RIIAD1: variants seen among roughly 807,000 people sequenced by gnomAD.
RIIAD1 encodes RIIa domain-containing protein 1.
RIIAD1 carries 15 observed loss-of-function variants against 13.3 expected under a neutral mutation model. The observed-to-expected ratio is 1.13, with a 90% CI of 0.76 to 1.74. The LOEUF (loss-of-function observed/expected upper bound fraction) is 1.74. Ranked by LOEUF, RIIAD1 falls within the 40% of genes most tolerant of loss-of-function variation. The pLI is 0.00. For missense variants in RIIAD1, 121 were observed against 112.2 expected (o/e 1.08, Z -0.35); for synonymous variants, 50 against 43.3 (o/e 1.16, Z -0.61).
At chr1:151,717,707 A>C (rs1362855346), upstream of RIIAD1, among the ~76,000 whole-genome samples, 10 of 152,258 alleles carry the variant, frequency 6.6e-5, no homozygotes, top group Non-Finnish European at 1.5e-4. Context: ...CTTAGGATGC[A>C]GAAACCCAAT....
At chr1:151,719,850 G>A (rs1460120567), upstream of RIIAD1, among the ~76,000 whole-genome samples, 4 of 152,208 alleles carry the variant, frequency 2.6e-5, no homozygotes, top group African/African-American at 4.8e-5. Context: ...ATTGGCAGAC[G>A]GAGGGTATCA....
chr1:151,716,405 G>A (rs1673482096), intron 4 of RIIAD1: 1 of 266,984 alleles, frequency 3.7e-6, no homozygotes, highest in Non-Finnish European at 7.4e-6. Flanking sequence ...AGCTGGAGGC[G>A]GGGAAAGGGC....
At position 151,714,245 on chromosome 1, in the gene RIIAD1, C is replaced by T. The variant is rs113934668; in HGVS notation, c.-89-175C>T. 2.4e-3 allele frequency among the ~76,000 whole-genome samples: 370 copies of T among 152,254 alleles called. 2 individuals are homozygous for T. The highest frequency in any genetic ancestry group is 8.4e-3 in the African/African-American group (350 of 41,538). On this transcript the variant is annotated intron_variant, in intron 3 of 8. Coordinates refer to the RIIAD1 transcript ENST00000326413. ...AGTGACAAAAGAGTGCCTGGGTGCC[C>T]CCTGCTCACCCTGATCCACACTTGG... is the stretch of plus-strand genomic sequence containing the variant.
rs1416532017 is a variant in RIIAD1, at chr1:151,722,095, C to T, written c.94C>T (p.Arg32Trp). 3 of 1,550,452 alleles carry T rather than the reference C, an allele frequency of 1.9e-6. No homozygotes were observed. The highest frequency in any genetic ancestry group is 1.4e-5 in the African/African-American group (1 of 73,092). Reference protein sequence around the residue: ...EQLRKFKIQTRIANEKYLRTH... With the variant: ...EQLRKFKIQTWIANEKYLRTH... Reference sequence around the variant, plus strand: ...TGTTCTTGCCCCCCAGATTCAGACTCGGATTGCTAACGAAAAGTACCTAAG... The same window carrying T: ...TGTTCTTGCCCCCCAGATTCAGACTTGGATTGCTAACGAAAAGTACCTAAG... The change falls in exon 2 of 5, where the codon CGG becomes TGG. Residue 32 changes from arginine to tryptophan, a missense_variant. Coordinates refer to ENST00000479191, the MANE Select transcript of RIIAD1 (RefSeq NM_001144956.3).
At chr1:151,719,341 C>T (rs1412213147), upstream of RIIAD1, among the ~76,000 whole-genome samples, 1 of 152,078 alleles carries the variant, frequency 6.6e-6, no homozygotes, top group East Asian at 1.9e-4. Flanking sequence ...GAGAGAGAGG[C>T]TTCCAGGATA....
upstream of RIIAD1, among the ~76,000 whole-genome samples, chr1:151,717,231 G>C (rs1343201871): frequency 6.6e-6 from 1 of 152,104 alleles, no homozygotes. Flanking sequence ...GAGAAAGGAC[G>C]GTTGCATAGG....
chr1:151,717,902 C>T (rs2101498989), upstream of RIIAD1, among the ~76,000 whole-genome samples: 1 of 152,282 alleles, frequency 6.6e-6, no homozygotes, highest in East Asian at 1.9e-4. Flanking sequence ...GCACTGGGCC[C>T]ACTCAGAGCA....
chr1:151,721,440 C>G, upstream of RIIAD1: 1 of 644,590 alleles, frequency 1.6e-6, no homozygotes. Context: ...CAGCCCCTAG[C>G]CCCTGCTTCG....
intron 4 of RIIAD1, chr1:151,714,744 T>C: frequency 1.7e-6 from 2 of 1,151,620 alleles, no homozygotes; most frequent in Non-Finnish European, 2.5e-6. Flanking sequence ...TCTGAAAGGC[T>C]CCCTTCCAAA....
At chr1:151,724,116 G>C (rs1673786895) in intron 2 of RIIAD1, among the ~76,000 whole-genome samples, 1 of 152,194 alleles carries the variant, frequency 6.6e-6, no homozygotes, top group African/African-American at 2.4e-5. Flanking sequence ...GTCAGAGATG[G>C]CCTTGATTCT....
intron 3 of RIIAD1, 32 bp downstream of exon 3, chr1:151,727,653 G>T: frequency 6.9e-7 from 1 of 1,451,704 alleles, no homozygotes; most frequent in South Asian, 1.2e-5. Context: ...TTGGGTATCT[G>T]ACAAAGCCAG....
At chr1:151,725,063 C>T (rs1673802847) in intron 2 of RIIAD1, among the ~76,000 whole-genome samples, 1 of 150,820 alleles carries the variant, frequency 6.6e-6, no homozygotes, top group Non-Finnish European at 1.5e-5. Context: ...CTGCCTGGGC[C>T]TCCCAAAGTG....
upstream of RIIAD1, chr1:151,721,467 T>TGG: frequency 1.0e-6 from 1 of 954,620 alleles, no homozygotes; most frequent in Admixed American, 4.2e-5. Flanking sequence ...GGGCCGGGCT[T>TGG]GGGGGCAGGG....
intron 2 of RIIAD1, among the ~76,000 whole-genome samples, chr1:151,725,251 C>T (rs1047282500): frequency 1.3e-5 from 2 of 151,572 alleles, no homozygotes; most frequent in African/African-American, 4.9e-5. Context: ...GCTGGGATTA[C>T]AGGTGCCTGC....
intron 3 of RIIAD1, among the ~76,000 whole-genome samples, chr1:151,713,993 C>T (rs914594887): frequency 6.6e-6 from 1 of 152,166 alleles, no homozygotes; most frequent in Non-Finnish European, 1.5e-5. Flanking sequence ...CTGTCCCTGC[C>T]CTTGCCTGCT....
chr1:151,714,650 G>C, intron 4 of RIIAD1: 1 of 1,561,582 alleles, frequency 6.4e-7, no homozygotes, highest in South Asian at 1.2e-5. Flanking sequence ...GCTGAATCCC[G>C]GGCACAGTAT....
At chr1:151,716,109 C>T in intron 4 of RIIAD1, 2 of 1,386,296 alleles carry the variant, frequency 1.4e-6, no homozygotes, top group Non-Finnish European at 1.9e-6. Context: ...AGTGGTGGGG[C>T]CCGGGGGCCC....
rs1014879968 is a variant in RIIAD1, at chr1:151,727,706, G to A, written c.208+85G>A. 6.6e-5 allele frequency: 55 copies of A among 837,104 alleles called. No homozygotes were observed. The Admixed American group carries it at 1.3e-3, about 19-fold the overall frequency. 51.9% of individuals were successfully genotyped at this position (837,104 alleles called of 1,614,324 possible). A position where few individuals can be genotyped will look rare whatever the true frequency, so the allele number is the denominator to read the frequency against. The stretch of plus-strand genomic sequence containing the variant: ...TGAGTTTAGACTTGAATGAGCCCAG[G>A]ATTCTCCCAGAGTCTGGGGTACTCC... On this transcript the variant is annotated intron_variant, in intron 3 of 4. Coordinates refer to ENST00000479191, the MANE Select transcript of RIIAD1 (RefSeq NM_001144956.3).
At chr1:151,714,736 T>C (rs1352786823) in intron 4 of RIIAD1, 10 of 1,194,792 alleles carry the variant, frequency 8.4e-6, no homozygotes, top group Non-Finnish European at 1.2e-5. Context: ...CTCCCCTCTC[T>C]GAAAGGCTCC....
Sources: gnomAD v4.1 joint callset for allele counts (sites outside exome capture counted in the v4.1 genomes callset) on GRCh38, gnomAD v4.1.1 for gene constraint, MANE v1.5 for transcripts, NCBI Gene and HGNC (gene_info 2026-07-23, HGNC 2026-07-21) for gene names.